The following NAV1 variants were observed in gnomAD, a reference collection of about 807,000 sequenced individuals.
NAV1 encodes the protein neuron navigator 1, also known as pore membrane and/or filament interacting like protein 3.
Under a neutral mutation model 175.2 loss-of-function variants are expected in NAV1, and 18 were observed. The ratio of observed to expected loss-of-function variants is 0.10; its 90% CI spans 0.07 to 0.15. The LOEUF is 0.15. Among genes scored for constraint, NAV1 ranks in the 10% least tolerant of loss-of-function variants. The pLI is 1.00. For missense variants in NAV1, 1,731 were observed against 2,436.6 expected (o/e 0.71, Z 6.10); for synonymous variants, 897 against 978.7 (o/e 0.92, Z 1.56).
At chr1:201,717,781 C>T (rs1184991409) in intron 2 of NAV1, among the ~76,000 whole-genome samples, 1 of 152,238 alleles carries the variant, frequency 6.6e-6, no homozygotes, top group African/African-American at 2.4e-5. Context: ...CAAAGCTTTT[C>T]CTATACTCTC....
intron 1 of NAV1, among the ~76,000 whole-genome samples, chr1:201,585,312 G>C (rs1666991820): frequency 6.7e-6 from 1 of 149,340 alleles, no homozygotes; most frequent in Admixed American, 6.6e-5. Flanking sequence ...TACGATGATG[G>C]GGGAGGCACA....
chr1:201,561,716 G>A (rs977305023), intron 1 of NAV1, among the ~76,000 whole-genome samples: 7 of 152,164 alleles, frequency 4.6e-5, no homozygotes, highest in African/African-American at 1.7e-4. Context: ...TTCCATTAGT[G>A]TAGGATCTGG....
At chr1:201,668,583 G>T (rs1428183338) in intron 1 of NAV1, among the ~76,000 whole-genome samples, 3 of 152,240 alleles carry the variant, frequency 2.0e-5, no homozygotes, top group Admixed American at 6.5e-5. Context: ...ACCTTCTGGG[G>T]ACTGAGACTC....
intron 2 of NAV1, among the ~76,000 whole-genome samples, chr1:201,636,852 C>T (rs1668631300): frequency 6.6e-6 from 1 of 152,206 alleles, no homozygotes. Context: ...CATGAGCTCA[C>T]AGCATCCTTC....
intron 1 of NAV1, among the ~76,000 whole-genome samples, chr1:201,543,131 T>C (rs1665562826): frequency 6.6e-6 from 1 of 152,246 alleles, no homozygotes; most frequent in Non-Finnish European, 1.5e-5. Context: ...TTTTCTTGCC[T>C]AATTGCTCTG....
intron 3 of NAV1, among the ~76,000 whole-genome samples, chr1:201,752,328 A>G (rs1270416285): frequency 6.6e-6 from 1 of 152,190 alleles, no homozygotes; most frequent in Non-Finnish European, 1.5e-5. Context: ...TATTCCATGG[A>G]ATTTCTAAAT....
At chr1:201,605,113 T>G (rs939692822) in intron 2 of NAV1, among the ~76,000 whole-genome samples, 2 of 151,970 alleles carry the variant, frequency 1.3e-5, no homozygotes, top group African/African-American at 4.8e-5. Flanking sequence ...GGAGGTTGCT[T>G]GTTTTCTGGC....
intron 2 of NAV1, among the ~76,000 whole-genome samples, chr1:201,611,859 G>A (rs1208134818): frequency 1.3e-5 from 2 of 152,184 alleles, no homozygotes; most frequent in Non-Finnish European, 2.9e-5. Context: ...GACAGCAAGG[G>A]ACAGGGAGGA....
chr1:201,662,338 C>T (rs1201798519), intron 1 of NAV1, among the ~76,000 whole-genome samples: 1 of 152,368 alleles, frequency 6.6e-6, no homozygotes, highest in East Asian at 1.9e-4. Context: ...GCACTTTTAC[C>T]ACTATCTGTG....
chr1:201,719,285 G>A (rs1421571861), intron 3 of NAV1, among the ~76,000 whole-genome samples: 2 of 152,046 alleles, frequency 1.3e-5, no homozygotes, highest in African/African-American at 4.8e-5. Context: ...TCCTTTGCCA[G>A]GGGTTCGTAA....
Position 201,767,082 on chromosome 1 carries a change from G to A in NAV1, c.1227-13339G>A, listed in dbSNP as rs184913530. On this transcript the variant is annotated intron_variant, in intron 3 of 29. Coordinates refer to ENST00000367296, the Ensembl canonical transcript of NAV1. Reference sequence around the variant, plus strand: ...GATCCACCTGCCTCGCCCTCCCAAAGTGCTGGGATTACAGGTGTGAGCCAC... The same window carrying A: ...GATCCACCTGCCTCGCCCTCCCAAAATGCTGGGATTACAGGTGTGAGCCAC... 7.1e-3 allele frequency among the ~76,000 whole-genome samples: 1,076 copies of A among 151,840 alleles called. 5 individuals carry two copies. The highest frequency in any genetic ancestry group is 7.1e-3 in the Non-Finnish European group (480 of 67,914).
chr1:201,763,806 A>G (rs1001715112), intron 3 of NAV1, among the ~76,000 whole-genome samples: 2 of 152,184 alleles, frequency 1.3e-5, no homozygotes, highest in African/African-American at 2.4e-5. Flanking sequence ...TAAGATCCCA[A>G]TAAAATATAT....
chr1:201,702,248 G>T (rs1671457495), intron 1 of NAV1, among the ~76,000 whole-genome samples: 1 of 152,214 alleles, frequency 6.6e-6, no homozygotes, highest in South Asian at 2.1e-4. Context: ...GGGAGTGACT[G>T]CTAATGGCCA....
chr1:201,649,328 C>T (rs757698065), exon 1 of NAV1: 3 of 1,612,336 alleles, frequency 1.9e-6, no homozygotes, highest in South Asian at 2.2e-5. Flanking sequence ...TCCCCTCTGC[C>T]AAGGGCCAGG....
intron 1 of NAV1, among the ~76,000 whole-genome samples, chr1:201,551,846 T>C (rs960178023): frequency 6.6e-6 from 1 of 152,264 alleles, no homozygotes; most frequent in Non-Finnish European, 1.5e-5. Flanking sequence ...TTAAAACTCC[T>C]CTGCTTTTTA....
chr1:201,601,236 C>T (rs1294241027), intron 2 of NAV1, among the ~76,000 whole-genome samples: 6 of 152,212 alleles, frequency 3.9e-5, no homozygotes, highest in Non-Finnish European at 8.8e-5. Context: ...AATCCCAGCA[C>T]TTTGGGAGGC....
Position 201,782,313 on chromosome 1 carries a change from A to T in NAV1, c.1801A>T (p.Thr601Ser), listed in dbSNP as rs867987282. 1 of 1,613,964 alleles carries T rather than the reference A, an allele frequency of 6.2e-7. No individual in the cohort carries two copies. The highest frequency in any genetic ancestry group is 1.1e-5 in the South Asian group (1 of 91,082). ...CCCCTCGGGCATTGCTCGCCCCTCC[A>T]CTTCGGGATCCTTTGGCTACAAGAA... The change falls in exon 6 of 30, where the codon ACT (threonine) becomes TCT (serine). Residue 601 changes from threonine (T) to serine (S), a missense_variant. Physicochemically the swap from Thr to Ser is moderately conservative, Grantham distance 58. Around this residue, in one of 13 missense-constraint regions of NAV1, gnomAD observed 634 missense variants for 766.8 expected, o/e 0.83. Coordinates refer to ENST00000367296, the Ensembl canonical transcript of NAV1. The surrounding 1 kb of genome is among the most constrained non-coding windows in gnomAD (Gnocchi z 5.4).
chr1:201,618,026 A>G (rs1181034191), upstream of NAV1, among the ~76,000 whole-genome samples: 1 of 145,656 alleles, frequency 6.9e-6, no homozygotes, highest in Non-Finnish European at 1.5e-5. Flanking sequence ...AGGCATGTCT[A>G]GGCCCCAGGA....
At chr1:201,599,295 G>A (rs1667453942) in intron 2 of NAV1, among the ~76,000 whole-genome samples, 1 of 152,148 alleles carries the variant, frequency 6.6e-6, no homozygotes, top group Admixed American at 6.5e-5. Context: ...CTTTTGCAGG[G>A]CCTGTTTTCA....
Sources: gnomAD v4.1 joint callset for allele counts (sites outside exome capture counted in the v4.1 genomes callset) on GRCh38, gnomAD v4.1.1 for gene constraint, gnomAD v4.1.1 regional missense constraint, Gnocchi (gnomAD v3.1) non-coding constraint, MANE v1.5 for transcripts, NCBI Gene and HGNC (gene_info 2026-07-23, HGNC 2026-07-21) for gene names.